Variants in NOL4L observed in about 807,000 individuals in gnomAD.
NOL4L encodes nucleolar protein 4 like.
Under a neutral mutation model 64.5 loss-of-function variants are expected in NOL4L, and 7 were observed. That is an observed-to-expected ratio of 0.11 (90% confidence interval 0.06 to 0.20). The LOEUF (loss-of-function observed/expected upper bound fraction) is 0.20, where lower values mean the gene tolerates loss of function less well. NOL4L is among the 10% of genes least tolerant of loss of function. The pLI is 1.00. For missense variants in NOL4L, 680 were observed against 967.1 expected (o/e 0.70, Z 3.94); for synonymous variants, 413 against 401.0 (o/e 1.03, Z -0.36).
At chr20:32,542,381 T>C (rs1280191845) in intron 1 of NOL4L, among the ~76,000 whole-genome samples, 1 of 152,082 alleles carries the variant, frequency 6.6e-6, no homozygotes, top group Non-Finnish European at 1.5e-5. Flanking sequence ...TGAGACAGGG[T>C]CTCGCTGTGT....
At chr20:32,511,776 A>G (rs62208007) in intron 3 of NOL4L, among the ~76,000 whole-genome samples, 3,844 of 152,274 alleles carry the variant, frequency 0.025, 66 homozygotes, top group African/African-American at 0.048. Flanking sequence ...CTTGAGCCCC[A>G]GGAGGGGACA....
rs368879735 is a variant in NOL4L, at chr20:32,537,590, C to T, written c.322-9677G>A. ...TCCAGGGAGTCAGACCCCAGGATAC[C>T]AACTACTGGGCTCCATTAGTCCCAC... On this transcript the variant is annotated intron_variant, in intron 1 of 10. Coordinates refer to ENST00000621426, the MANE Select transcript of NOL4L (RefSeq NM_001256798.2). Among the ~76,000 whole-genome samples the T allele has an allele frequency of 1.3e-4, 20 of 152,284 alleles. No individual in the cohort carries two copies. The South Asian group carries it at 1.7e-3, about 13-fold the overall frequency.
intron 2 of NOL4L, among the ~76,000 whole-genome samples, chr20:32,521,805 C>T (rs1406137097): frequency 6.6e-6 from 1 of 152,194 alleles, no homozygotes; most frequent in Non-Finnish European, 1.5e-5. Context: ...CCCTTCAGTC[C>T]CAGGTTCCCT....
At chr20:32,535,525 T>C in intron 1 of NOL4L, 1 of 951,946 alleles carries the variant, frequency 1.1e-6, no homozygotes, top group Non-Finnish European at 1.3e-6. Context: ...ACCTGCCATC[T>C]GGAACAGGCC....
chr20:32,484,049 G>A (rs1226933116), intron 4 of NOL4L, among the ~76,000 whole-genome samples: 1 of 152,024 alleles, frequency 6.6e-6, no homozygotes, highest in Non-Finnish European at 1.5e-5. Flanking sequence ...GGGGCTGGGG[G>A]GAGAGGGCAC....
intron 1 of NOL4L, among the ~76,000 whole-genome samples, chr20:32,554,177 C>T (rs772504846): frequency 2.6e-5 from 4 of 151,872 alleles, no homozygotes; most frequent in Non-Finnish European, 4.4e-5. Context: ...AAAAATTAGC[C>T]GGGCGTGGTG....
chr20:32,453,337 G>A lies in NOL4L; in HGVS notation c.1464C>T (p.Ser488=), dbSNP rs780286159. ...ARKRIRTYLK[S]CRRMKKNGME... ...TGCCGTTCTTCTTCATGCGACGGCA[G>A]GACTTGAGGTACGTGCGGATGCGCT... Residue 488 remains serine (S), a synonymous_variant, in exon 8 of 11, where the codon TCC becomes TCT. Coordinates refer to ENST00000621426, the MANE Select transcript of NOL4L (RefSeq NM_001256798.2). This position sits in a 1 kb window ranked among gnomAD's most constrained non-coding sequence, Gnocchi z 5.6. The A allele has an allele frequency of 2.7e-5, 43 of 1,614,012 alleles. No individual in the cohort carries two copies. The highest frequency in any genetic ancestry group is 3.6e-5 in the Non-Finnish European group (42 of 1,180,006).
intron 1 of NOL4L, among the ~76,000 whole-genome samples, chr20:32,537,799 G>C (rs958073194): frequency 6.8e-6 from 1 of 146,970 alleles, no homozygotes; most frequent in Non-Finnish European, 1.5e-5. Flanking sequence ...TTTTTTTGGA[G>C]ACGGAATCTT....
Position 32,473,964 on chromosome 20 carries a change from G to A in NOL4L, c.841+637C>T, listed in dbSNP as rs370044805. On this transcript the variant is annotated intron_variant, in intron 5 of 10. Transcript: ENST00000621426. ...ACTTGGGGGAGTCCACGTGGAGGCC[G>A]GGGTGGATCTTTGGGGTCTGATTCC... Among the ~76,000 whole-genome samples the A allele has an allele frequency of 1.8e-4, 27 of 152,308 alleles. No individual in the cohort carries two copies. In the East Asian group the frequency reaches 4.8e-3, roughly 27 times the overall value.
intron 4 of NOL4L, among the ~76,000 whole-genome samples, chr20:32,490,144 A>AAAAC (rs543768294): frequency 0.064 from 7,838 of 121,820 alleles, 1,332 homozygotes; most frequent in African/African-American, 0.22. Flanking sequence ...AAAAAAAAAA[A>AAAAC]ATATATATAC....
intron 1 of NOL4L, among the ~76,000 whole-genome samples, chr20:32,570,705 C>G (rs1979701918): frequency 6.6e-6 from 1 of 152,206 alleles, no homozygotes; most frequent in South Asian, 2.1e-4. Flanking sequence ...TTACCTCTGC[C>G]TCTCTTTTTC....
At chr20:32,550,475 G>A (rs778920778) in intron 1 of NOL4L, among the ~76,000 whole-genome samples, 1 of 152,252 alleles carries the variant, frequency 6.6e-6, no homozygotes, top group Non-Finnish European at 1.5e-5. Context: ...GTCAGGCGTG[G>A]TGGCTCACGC....
chr20:32,477,533 G>A (rs1458461395), intron 4 of NOL4L, among the ~76,000 whole-genome samples: 6 of 152,248 alleles, frequency 3.9e-5, no homozygotes, highest in Admixed American at 3.3e-4. Context: ...CAGACTGTAT[G>A]TCCTCTGAAT....
At chr20:32,566,042 C>G (rs6087934) in intron 1 of NOL4L, among the ~76,000 whole-genome samples, 1 of 152,194 alleles carries the variant, frequency 6.6e-6, no homozygotes, top group African/African-American at 2.4e-5. Context: ...AAGGCCCTGT[C>G]TTAAAAAGTA....
chr20:32,496,083 A>G (rs1479127528), intron 4 of NOL4L, among the ~76,000 whole-genome samples: 1 of 152,152 alleles, frequency 6.6e-6, no homozygotes, highest in Non-Finnish European at 1.5e-5. Context: ...TAGGCTTCAC[A>G]TCACAACACA....
At chr20:32,528,041 A>G in intron 1 of NOL4L, 128 bp from the exon 2 acceptor site, 4 of 247,032 alleles carry the variant, frequency 1.6e-5, no homozygotes, top group Non-Finnish European at 2.5e-5. Context: ...TGGGGAGGGG[A>G]GGGAGCCTAC....
intron 1 of NOL4L, among the ~76,000 whole-genome samples, chr20:32,564,500 T>G (rs1280259379): frequency 6.6e-6 from 1 of 152,188 alleles, no homozygotes; most frequent in Non-Finnish European, 1.5e-5. Flanking sequence ...GCTTGTACTA[T>G]TCTATGATCT....
intron 4 of NOL4L, among the ~76,000 whole-genome samples, chr20:32,488,724 C>A (rs1419256971): frequency 6.6e-6 from 1 of 151,612 alleles, no homozygotes; most frequent in African/African-American, 2.4e-5. Context: ...ATTTCTTTTT[C>A]TTTCTTTCTT....
intron 1 of NOL4L, among the ~76,000 whole-genome samples, chr20:32,557,731 G>GA: frequency 6.6e-6 from 1 of 152,216 alleles, no homozygotes; most frequent in Non-Finnish European, 1.5e-5. Flanking sequence ...ATGGCTGGGG[G>GA]AAAGAAAAAG....
Sources: gnomAD v4.1 joint callset for allele counts (sites outside exome capture counted in the v4.1 genomes callset) on GRCh38, gnomAD v4.1.1 for gene constraint, Gnocchi (gnomAD v3.1) non-coding constraint, MANE v1.5 for transcripts, NCBI Gene and HGNC (gene_info 2026-07-23, HGNC 2026-07-21) for gene names.